Variants in ADGRV1 observed in about 807,000 individuals in gnomAD.
The protein encoded by ADGRV1 is G-protein coupled receptor 98.
ADGRV1 carries 359 observed loss-of-function variants against 596.2 expected under a neutral mutation model. That is an observed-to-expected ratio of 0.60 (90% confidence interval 0.55 to 0.66). The LOEUF is 0.66. Among genes scored for constraint, ADGRV1 ranks in the 30% least tolerant of loss-of-function variants. ADGRV1 has a pLI of 0.00. For missense variants in ADGRV1, 7,274 were observed against 7,575.6 expected (o/e 0.96, Z 1.48); for synonymous variants, 2,681 against 2,679.2 (o/e 1.00, Z -0.02).
rs547948430 is a variant in ADGRV1, at chr5:90,572,647, C to T, written c.22+13730C>T. Among the ~76,000 whole-genome samples, 79 of 152,256 alleles carry T rather than the reference C, an allele frequency of 5.2e-4. 1 individual carries two copies. The highest frequency in any genetic ancestry group is 7.8e-4 in the Admixed American group (12 of 15,298). ...ACACATGCTCACACACGCACACGCA[C>T]GTGCACACACACATGAATTAACAAT... is the stretch of plus-strand genomic sequence containing the variant. On this transcript the variant is annotated intron_variant, in intron 1 of 89. Transcript: ENST00000405460.
At chr5:90,922,697 A>G (rs1054319884) in intron 83 of ADGRV1, among the ~76,000 whole-genome samples, 23 of 152,312 alleles carry the variant, frequency 1.5e-4, no homozygotes, top group East Asian at 5.8e-4. Flanking sequence ...TCTGCAGACC[A>G]GTGGCACCAG....
At chr5:90,840,240 G>A (rs967635438) in intron 77 of ADGRV1, among the ~76,000 whole-genome samples, 1 of 151,516 alleles carries the variant, frequency 6.6e-6, no homozygotes, top group Non-Finnish European at 1.5e-5. Context: ...TCCTTTTCCT[G>A]CATACTTATA....
chr5:90,800,245 C>T (rs1761210195), intron 70 of ADGRV1, among the ~76,000 whole-genome samples: 2 of 152,138 alleles, frequency 1.3e-5, no homozygotes, highest in South Asian at 2.1e-4. Flanking sequence ...AAAAAACAAG[C>T]CCATCAAGAA....
chr5:90,924,079 C>T lies in ADGRV1; in HGVS notation c.17857-41336C>T, dbSNP rs1358643161. ...AAGTCTTTGCTATTGTGAATAATGC[C>T]GCAATAAACATACGTGTGCATGTGT... is the stretch of plus-strand genomic sequence containing the variant. On this transcript the variant is annotated intron_variant, in intron 83 of 89. Transcript: ENST00000405460. 2.2e-4 allele frequency among the ~76,000 whole-genome samples: 34 copies of T among 151,460 alleles called. 1 individual carries two copies. The highest frequency in any genetic ancestry group is 7.3e-4 in the African/African-American group (30 of 40,962).
At chr5:90,946,164 G>A (rs1376497331) in intron 83 of ADGRV1, among the ~76,000 whole-genome samples, 3 of 152,072 alleles carry the variant, frequency 2.0e-5, no homozygotes, top group Admixed American at 6.6e-5. Flanking sequence ...CACGTGCAAA[G>A]AATCTAAAAC....
At chr5:90,758,681 T>G (rs912222567) in intron 57 of ADGRV1, among the ~76,000 whole-genome samples, 1 of 152,186 alleles carries the variant, frequency 6.6e-6, no homozygotes, top group African/African-American at 2.4e-5. Context: ...AAATTAAAGA[T>G]TTTAGGTAGA....
In ADGRV1 at chr5:90,754,969, T is replaced by C; in HGVS notation, c.11378-14T>C. ...TAGAAAAGACTATTTACTCGTGGCATGTTTCTCTCACAGAAAACACCACCA... is the reference window on the plus strand; with the variant it reads ...TAGAAAAGACTATTTACTCGTGGCACGTTTCTCTCACAGAAAACACCACCA... On this transcript the variant is annotated splice_polypyrimidine_tract_variant and intron_variant, in intron 54 of 89. Coordinates refer to ENST00000405460, the MANE Select transcript of ADGRV1 (RefSeq NM_032119.4). 1.3e-6 allele frequency: 2 copies of C among 1,586,506 alleles called. No individual in the cohort carries two copies. Among genetic ancestry groups the C allele is most frequent in the Non-Finnish European group, 1.7e-6 (2 of 1,155,264 alleles).
Position 91,014,136 on chromosome 5 carries a change from C to CACACACACACACA in ADGRV1, c.18152+28614_18152+28615insACACACACACACA, listed in dbSNP as rs1782962720. On this transcript the variant is annotated intron_variant, in intron 85 of 89. Transcript: ENST00000405460. ...TCATAGGCAATCCCATTCACAATTG[C>CACACACACACACA]CACACACACACACACACACACACAC... is the stretch of plus-strand genomic sequence containing the variant. Among the ~76,000 whole-genome samples, 349 of 35,690 alleles carry CACACACACACACA rather than the reference C, an allele frequency of 9.8e-3. 3 individuals carry two copies. Among genetic ancestry groups the CACACACACACACA allele is most frequent in the African/African-American group, 0.029 (332 of 11,362 alleles). The allele number at this position is 35,690 out of a possible 152,430, so 23.4% of individuals were successfully genotyped here. A position where few individuals can be genotyped will look rare whatever the true frequency, so the allele number is the denominator to read the frequency against.
In ADGRV1 at chr5:90,694,367, T is replaced by C. The variant is rs1387848288; in HGVS notation, c.7611T>C (p.Ser2537=). 1 of 1,613,592 alleles carries C rather than the reference T, an allele frequency of 6.2e-7. No individual in the cohort carries two copies. The highest frequency in any genetic ancestry group is 8.5e-7 in the Non-Finnish European group (1 of 1,179,838). The change falls in exon 33 of 90, where the codon AGT becomes AGC. Residue 2537 remains serine (S), a synonymous_variant. Transcript: ENST00000405460. ...LPDDFPEMDE[S]FLISLLEVHL... ...ATGATTTCCCAGAGATGGATGAGAG[T>C]TTTCTAATTTCTCTCCTTGAAGTTC...
intron 34 of ADGRV1, among the ~76,000 whole-genome samples, chr5:90,702,842 CATA>C (rs1748083450): frequency 6.6e-6 from 1 of 151,848 alleles, no homozygotes; most frequent in African/African-American, 2.4e-5. Context: ...TCTATCCTTG[CATA>C]ATAATAATTT....
At chr5:90,963,325 T>C (rs989589437) in intron 83 of ADGRV1, among the ~76,000 whole-genome samples, 9 of 152,230 alleles carry the variant, frequency 5.9e-5, no homozygotes, top group Non-Finnish European at 8.8e-5. Flanking sequence ...AAGGAATAAT[T>C]GTGGAATTTA....
Position 90,644,772 on chromosome 5 carries a change from C to G in ADGRV1, c.2801C>G (p.Pro934Arg), listed in dbSNP as rs1221235046. 1.2e-6 allele frequency: 2 copies of G among 1,611,648 alleles called. No homozygotes were observed. Among genetic ancestry groups the G allele is most frequent in the Middle Eastern group, 1.7e-4 (1 of 6,054 alleles). ...GDVSVSWVVS[P>R]DFTQDVFPVQ... is the part of the protein sequence containing the mutation. ...GTTAGTGTATCATGGGTGGTTAGTC[C>G]AGACTTTACACAAGATGTATTTCCT... The change falls in exon 15 of 90, where the codon CCA becomes CGA. Residue 934 changes from proline (P) to arginine (R), a missense_variant. Coordinates refer to ENST00000405460, the MANE Select transcript of ADGRV1 (RefSeq NM_032119.4).
At chr5:90,663,611 G>A (rs1400708087) in intron 21 of ADGRV1, among the ~76,000 whole-genome samples, 5 of 152,262 alleles carry the variant, frequency 3.3e-5, no homozygotes, top group African/African-American at 1.2e-4. Context: ...AAGCTCTTGA[G>A]TTTAATTAGG....
At chr5:90,851,462 C>A (rs1183559186) in intron 79 of ADGRV1, among the ~76,000 whole-genome samples, 1 of 152,100 alleles carries the variant, frequency 6.6e-6, no homozygotes, top group East Asian at 1.9e-4. Context: ...ATTATTTATA[C>A]ATTGTCTTGA....
chr5:91,068,304 A>C (rs535482838), intron 85 of ADGRV1, among the ~76,000 whole-genome samples: 2 of 151,702 alleles, frequency 1.3e-5, no homozygotes, highest in Non-Finnish European at 2.9e-5. Context: ...AAAAAAAAAA[A>C]CAAAAAACAA....
At chr5:90,874,960 C>T (rs925968564) in intron 83 of ADGRV1, among the ~76,000 whole-genome samples, 1 of 152,186 alleles carries the variant, frequency 6.6e-6, no homozygotes, top group Non-Finnish European at 1.5e-5. Context: ...CAATCTAAAA[C>T]TAACCTATCA....
chr5:91,154,179 A>T (rs1475765236), intron 89 of ADGRV1, among the ~76,000 whole-genome samples: 1 of 152,168 alleles, frequency 6.6e-6, no homozygotes, highest in Non-Finnish European at 1.5e-5. Context: ...CAGTTTAAAA[A>T]TTTTTTCCTC....
Position 91,153,342 on chromosome 5 carries a change from T to G in ADGRV1, c.18746T>G (p.Leu6249Arg), listed in dbSNP as rs41311625. Reference protein sequence around the residue: ...PSSGGYGQGSLIADEESQEFD... With the variant: ...PSSGGYGQGSRIADEESQEFD... ...TCTGGAGGATATGGCCAGGGGTCAC[T>G]GATAGCCGATGAGGAGTCCCAGGAG... Residue 6249 changes from leucine (L) to arginine (R), a missense_variant, in exon 89 of 90, where the codon CTG (leucine) becomes CGG (arginine). Leu to Arg is a moderately radical substitution (Grantham distance 102). Transcript: ENST00000405460. The G allele has an allele frequency of 9.9e-4, 1,592 of 1,612,498 alleles. 7 individuals are homozygous for G. The highest frequency in any genetic ancestry group is 8.0e-3 in the African/African-American group (602 of 75,018).
intron 77 of ADGRV1, among the ~76,000 whole-genome samples, chr5:90,839,382 T>C (rs1765242344): frequency 6.6e-6 from 1 of 151,890 alleles, no homozygotes; most frequent in East Asian, 1.9e-4. Context: ...GCCCGGCTAA[T>C]TTTTTGTATT....
Sources: allele counts gnomAD v4.1 joint callset (sites outside exome capture counted in the v4.1 genomes callset), GRCh38; gene constraint gnomAD v4.1.1; transcripts MANE v1.5; gene names NCBI Gene and HGNC (gene_info 2026-07-23, HGNC 2026-07-21).